CELF4: variants seen among roughly 807,000 people sequenced by gnomAD.
CELF4 encodes the protein CUG-BP- and ETR-3-like factor 4.
CELF4 carries 18 observed loss-of-function variants against 59.9 expected under a neutral mutation model. The ratio of observed to expected loss-of-function variants is 0.30; its 90% CI spans 0.21 to 0.45. CELF4 has a LOEUF of 0.45. CELF4 is among the 20% of genes least tolerant of loss of function. CELF4 has a pLI of 1.00. For synonymous variants in CELF4, 261 were observed against 267.1 expected (o/e 0.98, Z 0.22); for missense variants, 456 against 689.0 (o/e 0.66, Z 3.79).
At chr18:37,472,252 G>A (rs1603642047) in intron 2 of CELF4, among the ~76,000 whole-genome samples, 1 of 152,364 alleles carries the variant, frequency 6.6e-6, no homozygotes. Flanking sequence ...GCGTCCTTAT[G>A]GACCTGCCTG....
chr18:37,244,467 T>G lies in CELF4; in HGVS notation c.*775A>C, dbSNP rs934178627. 1 of 152,624 alleles carries G rather than the reference T, an allele frequency of 6.6e-6. No homozygotes were observed. The highest frequency in any genetic ancestry group is 6.5e-5 in the Admixed American group (1 of 15,286). 9.5% of individuals were successfully genotyped at this position (152,624 alleles called of 1,614,324 possible). On this transcript the variant is annotated 3_prime_UTR_variant, in exon 13 of 13. Coordinates refer to ENST00000420428, the MANE Select transcript of CELF4 (RefSeq NM_020180.4). Reference sequence around the variant, plus strand: ...TACAGAAAACCATAGGAAAGTGTCATAGACTTGGATGAGGGTCATCAAAGC... The same window carrying G: ...TACAGAAAACCATAGGAAAGTGTCAGAGACTTGGATGAGGGTCATCAAAGC...
At chr18:37,345,454 G>A (rs891879590) in intron 2 of CELF4, among the ~76,000 whole-genome samples, 2 of 152,138 alleles carry the variant, frequency 1.3e-5, no homozygotes. Context: ...TGTCGGGGGT[G>A]GGGTGGGGGA....
intron 2 of CELF4, among the ~76,000 whole-genome samples, chr18:37,354,482 T>G (rs2154556386): frequency 6.6e-6 from 1 of 152,280 alleles, no homozygotes; most frequent in Admixed American, 6.5e-5. Flanking sequence ...GCCAAGGAAT[T>G]TCTTCCACAG....
At chr18:37,319,799 G>A (rs1416151633) in intron 3 of CELF4, among the ~76,000 whole-genome samples, 1 of 152,152 alleles carries the variant, frequency 6.6e-6, no homozygotes, top group African/African-American at 2.4e-5. Flanking sequence ...CCAGAGCACT[G>A]GGCCTGGGCC....
intron 1 of CELF4, among the ~76,000 whole-genome samples, chr18:37,530,702 C>T (rs1279158269): frequency 6.6e-6 from 1 of 152,088 alleles, no homozygotes; most frequent in African/African-American, 2.4e-5. Flanking sequence ...GTTCCCCTTC[C>T]TCCTCCTGGT....
At chr18:37,448,089 C>G (rs1178074485) in intron 2 of CELF4, among the ~76,000 whole-genome samples, 1 of 152,232 alleles carries the variant, frequency 6.6e-6, no homozygotes, top group Non-Finnish European at 1.5e-5. Flanking sequence ...AGCCATGAGG[C>G]AGTCGAATGG....
intron 2 of CELF4, among the ~76,000 whole-genome samples, chr18:37,459,351 T>C (rs1429515815): frequency 6.9e-6 from 1 of 145,886 alleles, no homozygotes; most frequent in African/African-American, 2.4e-5. Context: ...CCAGAGTTAA[T>C]GGTCTGTGTA....
chr18:37,430,672 G>T (rs1054510240), intron 2 of CELF4, among the ~76,000 whole-genome samples: 2 of 152,190 alleles, frequency 1.3e-5, no homozygotes, highest in Admixed American at 1.3e-4. Context: ...TGAGCAGAAT[G>T]GGGGGAGCAC....
chr18:37,477,605 A>C (rs1249450810), intron 2 of CELF4, among the ~76,000 whole-genome samples: 1 of 152,162 alleles, frequency 6.6e-6, no homozygotes, highest in Non-Finnish European at 1.5e-5. Flanking sequence ...CCTGCAGGGC[A>C]TGTTGGCTTA....
intron 2 of CELF4, among the ~76,000 whole-genome samples, chr18:37,325,011 A>G (rs1192987527): frequency 1.3e-5 from 2 of 152,162 alleles, no homozygotes; most frequent in East Asian, 1.9e-4. Context: ...TTCCAAGCAG[A>G]GGCCAGGAGT....
chr18:37,518,342 C>A (rs1161335487), intron 1 of CELF4, among the ~76,000 whole-genome samples: 1 of 152,186 alleles, frequency 6.6e-6, no homozygotes, highest in Non-Finnish European at 1.5e-5. Flanking sequence ...CAATAAGCGA[C>A]ACACAGCCCG....
At chr18:37,358,226 TGC>T (rs1255015688) in intron 2 of CELF4, among the ~76,000 whole-genome samples, 3 of 152,050 alleles carry the variant, frequency 2.0e-5, no homozygotes, top group Non-Finnish European at 4.4e-5. Context: ...AATTGAATCA[TGC>T]GGGCAAGTCA....
At chr18:37,554,262 C>A (rs185493441) in intron 1 of CELF4, among the ~76,000 whole-genome samples, 3 of 152,138 alleles carry the variant, frequency 2.0e-5, no homozygotes, top group Admixed American at 6.5e-5. Context: ...GGGGAGGGAA[C>A]GGCAGTGACC....
At chr18:37,448,439 C>T (rs562603535) in intron 2 of CELF4, among the ~76,000 whole-genome samples, 8 of 152,374 alleles carry the variant, frequency 5.3e-5, no homozygotes, top group Middle Eastern at 3.4e-3. Flanking sequence ...AGCCCCCTGG[C>T]GAGGCCTTGC....
intron 2 of CELF4, among the ~76,000 whole-genome samples, chr18:37,331,097 C>T (rs7232811): frequency 0.095 from 14,505 of 152,204 alleles, 874 homozygotes; most frequent in African/African-American, 0.16. Context: ...CATACCGGCA[C>T]GTAGGCCCTG....
At chr18:37,317,434 T>C (rs2096906612) in intron 3 of CELF4, among the ~76,000 whole-genome samples, 1 of 152,226 alleles carries the variant, frequency 6.6e-6, no homozygotes, top group Admixed American at 6.5e-5. Context: ...TCCCTAACAC[T>C]CAGTCAGTGT....
chr18:37,270,063 T>A (rs2090376363), intron 8 of CELF4, among the ~76,000 whole-genome samples: 1 of 152,180 alleles, frequency 6.6e-6, no homozygotes, highest in Admixed American at 6.5e-5. Flanking sequence ...AGCAGCCCAT[T>A]CTCCAGACCA....
intron 2 of CELF4, among the ~76,000 whole-genome samples, chr18:37,482,511 G>A (rs2099870717): frequency 6.6e-6 from 1 of 152,190 alleles, no homozygotes; most frequent in African/African-American, 2.4e-5. Flanking sequence ...CACTGGTCCA[G>A]GGATGACTCC....
chr18:37,329,554 C>T (rs997158577), intron 2 of CELF4, among the ~76,000 whole-genome samples: 2 of 152,228 alleles, frequency 1.3e-5, no homozygotes, highest in Admixed American at 1.3e-4. Flanking sequence ...CCAGATGTGG[C>T]ACAGCACGGC....
Sources: allele counts gnomAD v4.1 joint callset (sites outside exome capture counted in the v4.1 genomes callset), GRCh38; gene constraint gnomAD v4.1.1; transcripts MANE v1.5; gene names NCBI Gene and HGNC (gene_info 2026-07-23, HGNC 2026-07-21).